GTF2E1: variants seen among roughly 807,000 people sequenced by gnomAD.
The protein encoded by GTF2E1 is TFIIE alpha subunit.
Under a neutral mutation model 34.9 loss-of-function variants are expected in GTF2E1, and 14 were observed. The ratio of observed to expected loss-of-function variants is 0.40; its 90% confidence interval spans 0.27 to 0.63. The LOEUF (loss-of-function observed/expected upper bound fraction) is 0.63. GTF2E1 is among the 20% of genes least tolerant of loss of function. GTF2E1 has a pLI of 0.39. For missense variants in GTF2E1, 469 were observed against 557.7 expected (o/e 0.84, Z 1.60); for synonymous variants, 188 against 192.9 (o/e 0.97, Z 0.21).
At chr3:120,764,958 A>G (rs1709294458) in intron 2 of GTF2E1, among the ~76,000 whole-genome samples, 1 of 151,992 alleles carries the variant, frequency 6.6e-6, no homozygotes, top group Non-Finnish European at 1.5e-5. Context: ...GCAAAGAAAA[A>G]ATGTCAAGTT....
rs539405958 is a variant in GTF2E1, at chr3:120,776,767, A to G, written c.892+103A>G. The G allele has an allele frequency of 6.0e-5, 59 of 983,006 alleles. No individual in the cohort carries two copies. In the African/African-American group the frequency reaches 7.8e-4, roughly 13 times the overall value. The allele number at this position is 983,006 out of a possible 1,614,324, so 60.9% of individuals were successfully genotyped here. On this transcript the variant is annotated intron_variant, in intron 4 of 4. Coordinates refer to ENST00000283875, the MANE Select transcript of GTF2E1 (RefSeq NM_005513.3). ...GGCAATTCTGGATCTGTTCTACAGA[A>G]CAATTAATTGCATTATATTAGGAAG...
chr3:120,765,653 A>T (rs911134523), intron 2 of GTF2E1, among the ~76,000 whole-genome samples: 1 of 152,228 alleles, frequency 6.6e-6, no homozygotes, highest in Non-Finnish European at 1.5e-5. Flanking sequence ...ATGACTTGGT[A>T]AACTTAACGC....
chr3:120,771,539 G>A (rs1709351703), intron 3 of GTF2E1, among the ~76,000 whole-genome samples: 1 of 152,068 alleles, frequency 6.6e-6, no homozygotes, highest in African/African-American at 2.4e-5. Flanking sequence ...ATTGGGGTCA[G>A]GGAGTGCTCT....
At chr3:120,742,872 C>G (rs147453919) in intron 1 of GTF2E1, 78 bp downstream of exon 1, 7,671 of 329,588 alleles carry the variant, frequency 0.023, 143 homozygotes, top group Non-Finnish European at 0.032. Context: ...TCCTTTCGCT[C>G]CCTCTTAACT....
At position 120,753,533 on chromosome 3, in the gene GTF2E1, A is replaced by G. The variant is rs991353576; in HGVS notation, c.448+2533A>G. On this transcript the variant is annotated intron_variant, in intron 2 of 4. Coordinates refer to ENST00000283875, the MANE Select transcript of GTF2E1 (RefSeq NM_005513.3). ...TTACATAAGCAATTAGGGGATATTCAGAAATTGGATTTGAAGCCTGCTAGA... is the reference window on the plus strand; with the variant it reads ...TTACATAAGCAATTAGGGGATATTCGGAAATTGGATTTGAAGCCTGCTAGA... 2.0e-5 allele frequency among the ~76,000 whole-genome samples: 3 copies of G among 152,310 alleles called. No individual in the cohort carries two copies. The South Asian group carries it at 6.2e-4, about 32-fold the overall frequency.
chr3:120,765,329 G>A (rs1709298781), intron 2 of GTF2E1, among the ~76,000 whole-genome samples: 1 of 151,928 alleles, frequency 6.6e-6, no homozygotes, highest in South Asian at 2.1e-4. Flanking sequence ...ATGCCTGTTC[G>A]TTATCTGCAA....
intron 3 of GTF2E1, 54 bp from the exon 4 acceptor site, chr3:120,776,369 A>T: frequency 6.5e-7 from 1 of 1,537,706 alleles, no homozygotes; most frequent in Non-Finnish European, 8.8e-7. Flanking sequence ...TTCTTTTCCA[A>T]CACCAAGACA....
At chr3:120,744,545 C>T (rs1257838291) in intron 1 of GTF2E1, among the ~76,000 whole-genome samples, 3 of 152,214 alleles carry the variant, frequency 2.0e-5, no homozygotes, top group African/African-American at 7.2e-5. Flanking sequence ...TTTCTCATGG[C>T]AGTACTTTTC....
chr3:120,746,438 G>A (rs373354914), intron 1 of GTF2E1, among the ~76,000 whole-genome samples: 36 of 151,816 alleles, frequency 2.4e-4, no homozygotes, highest in Non-Finnish European at 3.7e-4. Context: ...GCAGTGAGCC[G>A]AGCTTGCGCC....
intron 2 of GTF2E1, among the ~76,000 whole-genome samples, chr3:120,767,186 T>C (rs1236951934): frequency 1.3e-5 from 2 of 152,160 alleles, no homozygotes; most frequent in African/African-American, 4.8e-5. Flanking sequence ...CTATTCTCCA[T>C]GGGTCTCTCA....
At chr3:120,751,041 G>C (rs1263829898) in intron 2 of GTF2E1, 41 bp downstream of exon 2, 24 of 1,266,990 alleles carry the variant, frequency 1.9e-5, no homozygotes, top group Non-Finnish European at 2.6e-5. Flanking sequence ...AATAAAGTGT[G>C]TATTACCTTT....
intron 2 of GTF2E1, among the ~76,000 whole-genome samples, chr3:120,758,036 T>G (rs1197031622): frequency 7.9e-5 from 12 of 152,130 alleles, no homozygotes; most frequent in Non-Finnish European, 1.0e-4. Context: ...GGCGCACACC[T>G]GTAGTTCCAG....
intron 2 of GTF2E1, among the ~76,000 whole-genome samples, chr3:120,761,233 G>A (rs751408147): frequency 3.9e-5 from 6 of 152,132 alleles, no homozygotes; most frequent in Non-Finnish European, 7.4e-5. Context: ...TTCTCTGATG[G>A]TAGTTTGTAT....
At chr3:120,745,694 T>C (rs1228941265) in intron 1 of GTF2E1, among the ~76,000 whole-genome samples, 1 of 152,258 alleles carries the variant, frequency 6.6e-6, no homozygotes, top group African/African-American at 2.4e-5. Context: ...ACAGGTTATG[T>C]TGACATTTTT....
At chr3:120,744,844 G>A (rs1026568930) in intron 1 of GTF2E1, among the ~76,000 whole-genome samples, 2 of 152,062 alleles carry the variant, frequency 1.3e-5, no homozygotes, top group Admixed American at 1.3e-4. Flanking sequence ...GAACTCTTAT[G>A]CCAGCCCTGA....
intron 2 of GTF2E1, among the ~76,000 whole-genome samples, chr3:120,760,492 T>A (rs928281698): frequency 6.6e-6 from 1 of 152,212 alleles, no homozygotes; most frequent in Non-Finnish European, 1.5e-5. Context: ...AGAGAGGGCA[T>A]CCTTGTCTTG....
chr3:120,769,595 G>A (rs1235683760), intron 2 of GTF2E1, among the ~76,000 whole-genome samples: 2 of 152,170 alleles, frequency 1.3e-5, no homozygotes, highest in African/African-American at 4.8e-5. Context: ...TGGTAAAGAA[G>A]CAGCAGTCAC....
chr3:120,782,899 G>T lies in GTF2E1; in HGVS notation c.*1429G>T, dbSNP rs756801851. 6.6e-6 allele frequency: 1 copy of T among 152,140 alleles called. No individual in the cohort carries two copies. Among genetic ancestry groups the T allele is most frequent in the Non-Finnish European group, 1.5e-5 (1 of 68,022 alleles). 9.4% of individuals were successfully genotyped at this position (152,140 alleles called of 1,614,324 possible). A position where few individuals can be genotyped will look rare whatever the true frequency, so the allele number is the denominator to read the frequency against. On this transcript the variant is annotated 3_prime_UTR_variant, in exon 5 of 5. Transcript: ENST00000283875. ...AAAAATAAAGAACTTTCACACAAGGGTCTGTAACAATTGTATATCTTACAA... is the reference window on the plus strand; with the variant it reads ...AAAAATAAAGAACTTTCACACAAGGTTCTGTAACAATTGTATATCTTACAA...
chr3:120,773,635 A>G (rs1018726533), intron 3 of GTF2E1, among the ~76,000 whole-genome samples: 37 of 152,136 alleles, frequency 2.4e-4, no homozygotes, highest in African/African-American at 8.4e-4. Flanking sequence ...ATCATCTCTT[A>G]ACACTTACCT....
Sources: allele counts gnomAD v4.1 joint callset (sites outside exome capture counted in the v4.1 genomes callset), GRCh38; gene constraint gnomAD v4.1.1; transcripts MANE v1.5; gene names NCBI Gene and HGNC (gene_info 2026-07-23, HGNC 2026-07-21).